The following PDCD6 variants were observed in gnomAD, a reference collection of about 807,000 sequenced individuals.
The protein encoded by PDCD6 is programmed cell death protein 6.
Under a neutral mutation model 28.3 loss-of-function variants are expected in PDCD6, and 12 were observed. The observed-to-expected ratio is 0.42, with a 90% confidence interval of 0.27 to 0.69. The LOEUF (loss-of-function observed/expected upper bound fraction) is 0.69, where lower values mean the gene tolerates loss of function less well. PDCD6 is among the 30% of genes least tolerant of loss of function. The pLI, the probability that PDCD6 is intolerant of heterozygous loss-of-function variation, is 0.22. For synonymous variants in PDCD6, 92 were observed against 108.0 expected (o/e 0.85, Z 0.92); for missense variants, 226 against 269.9 (o/e 0.84, Z 1.14).
At chr5:279,882 A>G (rs1738459056) in intron 2 of PDCD6, among the ~76,000 whole-genome samples, 2 of 150,902 alleles carry the variant, frequency 1.3e-5, no homozygotes, top group Non-Finnish European at 2.9e-5. Context: ...TAACCCAGTA[A>G]TCACGGGTGT....
chr5:300,609 G>A (rs1260198668), intron 2 of PDCD6, among the ~76,000 whole-genome samples: 1 of 152,238 alleles, frequency 6.6e-6, no homozygotes, highest in African/African-American at 2.4e-5. Flanking sequence ...CGGTTGCCCA[G>A]GTATGTCTAG....
chr5:276,788 G>A (rs1301633839), intron 2 of PDCD6: 4 of 985,348 alleles, frequency 4.1e-6, no homozygotes, highest in Non-Finnish European at 4.8e-6. Flanking sequence ...ACACTGAGAA[G>A]GTATTTGTGG....
chr5:289,642 A>G (rs1474923486), intron 2 of PDCD6: 5 of 1,121,250 alleles, frequency 4.5e-6, no homozygotes, highest in Non-Finnish European at 6.8e-6. Flanking sequence ...TTTATTTTTC[A>G]AAGGGCTCAC....
At chr5:311,501 T>A in intron 5 of PDCD6, 99 bp downstream of exon 5, 1 of 766,302 alleles carries the variant, frequency 1.3e-6, no homozygotes, top group Non-Finnish European at 2.2e-6. Context: ...TGGGCATGTG[T>A]AGAATTAGTT....
At chr5:306,534 G>A in intron 3 of PDCD6, 68 bp from the exon 4 acceptor site, 2 of 1,566,984 alleles carry the variant, frequency 1.3e-6, no homozygotes, top group Non-Finnish European at 1.8e-6. Context: ...GCTGAGGTCT[G>A]GTGGGAAGCC....
intron 2 of PDCD6, among the ~76,000 whole-genome samples, chr5:287,907 A>T (rs1441542580): frequency 3.3e-5 from 5 of 152,226 alleles, no homozygotes; most frequent in Non-Finnish European, 7.3e-5. Flanking sequence ...AGTTCAAGGA[A>T]CCTGCTTGGT....
chr5:288,316 A>G (rs1739112137), intron 2 of PDCD6, among the ~76,000 whole-genome samples: 2 of 147,238 alleles, frequency 1.4e-5, no homozygotes, highest in African/African-American at 4.9e-5. Context: ...ATATATACAC[A>G]TATGTATATA....
intron 2 of PDCD6, among the ~76,000 whole-genome samples, chr5:277,743 C>G (rs914764169): frequency 3.9e-5 from 6 of 151,900 alleles, no homozygotes; most frequent in African/African-American, 7.3e-5. Context: ...TGGTGAAACC[C>G]TATCTCTACT....
intron 2 of PDCD6, among the ~76,000 whole-genome samples, chr5:287,342 C>T (rs1457298732): frequency 6.6e-6 from 1 of 152,124 alleles, no homozygotes; most frequent in African/African-American, 2.4e-5. Flanking sequence ...GAGAGAGTTT[C>T]AGGACGCCAC....
chr5:298,004 T>C (rs1739727875), intron 2 of PDCD6, among the ~76,000 whole-genome samples: 2 of 152,104 alleles, frequency 1.3e-5, no homozygotes, highest in African/African-American at 4.8e-5. Context: ...TAGATAAATA[T>C]AAGGTTAGAT....
chr5:271,824 G>A lies in PDCD6; in HGVS notation c.101+3G>A. The stretch of plus-strand genomic sequence containing the variant: ...TTCCTGTGGAACGTTTTCCAGAGGT[G>A]CGGCCTGGCACCGCCCGGGCACCTC... On this transcript the variant is annotated splice_donor_region_variant and intron_variant, in intron 1 of 5. Coordinates refer to ENST00000264933, the MANE Select transcript of PDCD6 (RefSeq NM_013232.4). 1 of 1,421,664 alleles carries A rather than the reference G, an allele frequency of 7.0e-7. No individual in the cohort carries two copies. Among genetic ancestry groups the A allele is most frequent in the East Asian group, 2.8e-5 (1 of 36,150 alleles). The allele number at this position is 1,421,664 out of a possible 1,614,324, so 88.1% of individuals were successfully genotyped here.
intron 2 of PDCD6, among the ~76,000 whole-genome samples, chr5:275,033 G>T (rs945850798): frequency 2.2e-5 from 3 of 134,422 alleles, no homozygotes; most frequent in Non-Finnish European, 4.8e-5. Flanking sequence ...TTTCTTAGGC[G>T]CCCCCCTTTA....
chr5:295,423 A>C (rs1200575313), intron 2 of PDCD6, among the ~76,000 whole-genome samples: 1 of 151,654 alleles, frequency 6.6e-6, no homozygotes, highest in Non-Finnish European at 1.5e-5. Flanking sequence ...ATGAGGTTGC[A>C]TTTCTCCAGA....
At chr5:290,845 A>G (rs1739270593) in intron 2 of PDCD6, among the ~76,000 whole-genome samples, 1 of 152,236 alleles carries the variant, frequency 6.6e-6, no homozygotes, top group African/African-American at 2.4e-5. Context: ...AAGCGTATCC[A>G]TGGTGAGGTT....
At chr5:278,019 C>G (rs968861895) in intron 2 of PDCD6, among the ~76,000 whole-genome samples, 6 of 152,154 alleles carry the variant, frequency 3.9e-5, no homozygotes, top group African/African-American at 1.4e-4. Context: ...AGATGAGTCC[C>G]TTCTCCAGCT....
chr5:287,363 A>C (rs4956932), intron 2 of PDCD6, among the ~76,000 whole-genome samples: 57,332 of 151,978 alleles, frequency 0.38, 12,519 homozygotes, highest in South Asian at 0.51. Flanking sequence ...TTGAAACTGT[A>C]CATGTAGCTG....
chr5:298,875 CT>C (rs1739810112), intron 2 of PDCD6, among the ~76,000 whole-genome samples: 1 of 58,320 alleles, frequency 1.7e-5, no homozygotes. Context: ...GCTGCTCCCA[CT>C]CAGCTGTTCT....
chr5:288,791 C>T, intron 2 of PDCD6: 1 of 1,035,182 alleles, frequency 9.7e-7, no homozygotes. Context: ...GCGTTAAAAC[C>T]AGAACTGTAT....
chr5:311,182 G>C lies in PDCD6; in HGVS notation c.368-111G>C, dbSNP rs1481213001. 6 of 787,700 alleles carry C rather than the reference G, an allele frequency of 7.6e-6. No homozygotes were observed. The East Asian group carries it at 1.6e-4, about 21-fold the overall frequency. 48.8% of individuals were successfully genotyped at this position (787,700 alleles called of 1,614,324 possible). ...GAATTTGCACTTCCGTTCCCACACA[G>C]CCTTGCATTGTGTGTGTTAGAGGCT... On this transcript the variant is annotated intron_variant, in intron 4 of 5. Coordinates refer to ENST00000264933, the MANE Select transcript of PDCD6 (RefSeq NM_013232.4).
Sources: allele counts gnomAD v4.1 joint callset (sites outside exome capture counted in the v4.1 genomes callset), GRCh38; gene constraint gnomAD v4.1.1; transcripts MANE v1.5; gene names NCBI Gene and HGNC (gene_info 2026-07-23, HGNC 2026-07-21).